The following MGST2 variants were observed in gnomAD, a reference collection of about 807,000 sequenced individuals.
The protein encoded by MGST2 is microsomal glutathione S-transferase 2.
MGST2 carries 9 observed loss-of-function variants against 16.6 expected under a neutral mutation model. That is an observed-to-expected ratio of 0.54 (90% CI 0.33 to 0.95). MGST2 has a LOEUF of 0.95. Ranked by LOEUF, MGST2 falls within the 40% of genes least tolerant of loss-of-function variation. The probability of loss-of-function intolerance (pLI) is 0.03; values close to 1 mark genes in which losing one functional copy is unlikely to be tolerated. For synonymous variants in MGST2, 79 were observed against 68.0 expected, an observed-to-expected ratio of 1.16 and a Z score of -0.79; for missense variants, 159 against 175.1, an observed-to-expected ratio of 0.91 and a Z score of 0.52.
intron 5 of MGST2, chr4:139,716,765 A>ATAT (rs1727984537): frequency 6.6e-6 from 1 of 152,476 alleles, no homozygotes; most frequent in African/African-American, 2.4e-5. Flanking sequence ...GATTCAGATA[A>ATAT]TCTTTTATTT....
intron 1 of MGST2, among the ~76,000 whole-genome samples, chr4:139,675,988 C>T (rs1252492723): frequency 6.6e-6 from 1 of 152,156 alleles, no homozygotes; most frequent in Non-Finnish European, 1.5e-5. Context: ...TATTTCTAAA[C>T]TCCTCAGATA....
chr4:139,727,783 C>T (rs1445801780), intron 5 of MGST2, among the ~76,000 whole-genome samples: 1 of 152,134 alleles, frequency 6.6e-6, no homozygotes, highest in Admixed American at 6.5e-5. Context: ...TATGTAAGAT[C>T]CCAAATCCTT....
At chr4:139,742,896 C>T (rs1051011959), downstream of MGST2, among the ~76,000 whole-genome samples, 1 of 152,126 alleles carries the variant, frequency 6.6e-6, no homozygotes, top group Non-Finnish European at 1.5e-5. Context: ...TTTTTGCCAC[C>T]TATCCCTTCT....
intron 1 of MGST2, among the ~76,000 whole-genome samples, chr4:139,675,719 C>A (rs979621604): frequency 6.6e-6 from 1 of 152,130 alleles, no homozygotes; most frequent in Non-Finnish European, 1.5e-5. Context: ...GGACTGAGCG[C>A]GCCGGGGAGG....
At chr4:139,725,826 G>T in intron 5 of MGST2, 2 of 1,613,886 alleles carry the variant, frequency 1.2e-6, no homozygotes, top group South Asian at 1.1e-5. Flanking sequence ...AGATGTGATT[G>T]CTGCAACTGC....
At chr4:139,726,361 C>T (rs1728473036) in intron 5 of MGST2, among the ~76,000 whole-genome samples, 2 of 152,168 alleles carry the variant, frequency 1.3e-5, no homozygotes, top group Non-Finnish European at 2.9e-5. Context: ...TTTGGTGTTT[C>T]TAGTTTTTGT....
chr4:139,709,071 A>AAAT (rs755140695), downstream of MGST2, among the ~76,000 whole-genome samples: 1 of 81,968 alleles, frequency 1.2e-5, no homozygotes, highest in Non-Finnish European at 2.2e-5. Flanking sequence ...AATGGAAAAA[A>AAAT]TTTTTTTTTT....
intron 5 of MGST2, among the ~76,000 whole-genome samples, chr4:139,721,303 C>T (rs1474473906): frequency 1.3e-5 from 2 of 152,082 alleles, no homozygotes; most frequent in East Asian, 1.9e-4. Context: ...ATGGAAATGT[C>T]GCCAGTAGAA....
chr4:139,750,029 T>C, the MGST2 span, among the ~76,000 whole-genome samples: 1 of 152,178 alleles, frequency 6.6e-6, no homozygotes, highest in Non-Finnish European at 1.5e-5. Context: ...GTGAATTTGA[T>C]TGTACCCTGA....
chr4:139,668,623 A>T (rs1327130293), intron 1 of MGST2, among the ~76,000 whole-genome samples: 1 of 117,934 alleles, frequency 8.5e-6, no homozygotes, highest in Non-Finnish European at 1.7e-5. Flanking sequence ...GAGGAGGGGG[A>T]GGGGGTAGAG....
At chr4:139,741,159 A>G (rs895104585), downstream of MGST2, among the ~76,000 whole-genome samples, 2 of 152,166 alleles carry the variant, frequency 1.3e-5, no homozygotes, top group African/African-American at 4.8e-5. Flanking sequence ...AGCAGGGAAA[A>G]ACAAGGAAGC....
rs770595699 is a variant in MGST2, at chr4:139,704,074, C to T, written c.370C>T (p.Leu124=). 1.2e-6 allele frequency: 2 copies of T among 1,614,020 alleles called. No individual in the cohort carries two copies. The highest frequency in any genetic ancestry group is 8.5e-7 in the Non-Finnish European group (1 of 1,180,040). Reference sequence around the variant, plus strand: ...GGCCTTGTTGACCCTCCTAGGTGCCCTGGGAATTGCAAACAGCTTTCTGGA... The same window carrying T: ...GGCCTTGTTGACCCTCCTAGGTGCCTTGGGAATTGCAAACAGCTTTCTGGA... ...ILALLTLLGA[L]GIANSFLDEY... Residue 124 remains leucine (L), a synonymous_variant, in exon 5 of 5, where the codon CTG becomes TTG. Coordinates refer to ENST00000265498, the MANE Select transcript of MGST2 (RefSeq NM_002413.5).
chr4:139,667,590 T>C (rs1331511448), intron 1 of MGST2, among the ~76,000 whole-genome samples: 3 of 152,094 alleles, frequency 2.0e-5, no homozygotes, highest in African/African-American at 7.2e-5. Context: ...CCGGGCACGG[T>C]GGCTCACCCC....
chr4:139,679,041 T>C (rs1417403833), intron 2 of MGST2: 5 of 205,706 alleles, frequency 2.4e-5, no homozygotes, highest in African/African-American at 1.2e-4. Context: ...AGATCAGGAT[T>C]AATCTTTTGC....
At chr4:139,726,793 G>T (rs1728489697) in intron 5 of MGST2, among the ~76,000 whole-genome samples, 1 of 152,206 alleles carries the variant, frequency 6.6e-6, no homozygotes, top group African/African-American at 2.4e-5. Context: ...CGGGGATGCT[G>T]CACTGCTAGT....
intron 5 of MGST2, among the ~76,000 whole-genome samples, chr4:139,728,176 C>T (rs1251045791): frequency 6.6e-6 from 1 of 152,188 alleles, no homozygotes; most frequent in Admixed American, 6.5e-5. Context: ...GATCATGCCA[C>T]TGCACTCCAG....
intron 5 of MGST2, among the ~76,000 whole-genome samples, chr4:139,729,346 G>A (rs1478215288): frequency 1.3e-5 from 2 of 152,126 alleles, no homozygotes; most frequent in African/African-American, 2.4e-5. Flanking sequence ...CTGGCAGGGC[G>A]TGGTGGCTCA....
At chr4:139,679,733 G>A (rs899993104) in intron 2 of MGST2, among the ~76,000 whole-genome samples, 14 of 152,078 alleles carry the variant, frequency 9.2e-5, no homozygotes, top group Middle Eastern at 3.2e-3. Flanking sequence ...GAATACCACC[G>A]GGAGTACACG....
At chr4:139,677,504 A>ATTTTT (rs56082407) in intron 1 of MGST2, among the ~76,000 whole-genome samples, 18 of 145,074 alleles carry the variant, frequency 1.2e-4, no homozygotes, top group African/African-American at 3.6e-4. Context: ...GTGAATCTGC[A>ATTTTT]TTTTTTTTTT....
Sources: gnomAD v4.1 joint callset for allele counts (sites outside exome capture counted in the v4.1 genomes callset) on GRCh38, gnomAD v4.1.1 for gene constraint, MANE v1.5 for transcripts, NCBI Gene and HGNC (gene_info 2026-07-23, HGNC 2026-07-21) for gene names.